The following TNFRSF11A variants were observed in gnomAD, a reference collection of about 807,000 sequenced individuals.
TNFRSF11A encodes TNF receptor superfamily member 11a, also known as tumor necrosis factor receptor superfamily member 11A.
In TNFRSF11A, 32 loss-of-function variants were observed where a neutral mutation model predicts 55.7. That is an observed-to-expected ratio of 0.57 (90% CI 0.43 to 0.77). The LOEUF (loss-of-function observed/expected upper bound fraction) is 0.77. Ranked by LOEUF, TNFRSF11A falls within the 30% of genes least tolerant of loss-of-function variation. The pLI, the probability that TNFRSF11A is intolerant of heterozygous loss-of-function variation, is 0.00. For missense variants in TNFRSF11A, 753 were observed against 809.8 expected, an observed-to-expected ratio of 0.93 and a Z score of 0.85; for synonymous variants, 311 against 331.0, an observed-to-expected ratio of 0.94 and a Z score of 0.65.
intron 7 of TNFRSF11A, among the ~76,000 whole-genome samples, chr18:62,362,017 G>A (rs897235194): frequency 2.0e-5 from 3 of 152,204 alleles, no homozygotes; most frequent in African/African-American, 4.8e-5. Context: ...ATACGCTGGC[G>A]TTCAGGAAAC....
intron 1 of TNFRSF11A, among the ~76,000 whole-genome samples, chr18:62,343,332 T>A (rs959001730): frequency 6.6e-6 from 1 of 152,260 alleles, no homozygotes; most frequent in Non-Finnish European, 1.5e-5. Context: ...TCGTTCGATG[T>A]CAGCATGAAT....
chr18:62,385,033 G>T lies in TNFRSF11A; in HGVS notation c.1850G>T (p.Ter617LeuextTer122). 6.8e-7 allele frequency: 1 copy of T among 1,475,308 alleles called. No individual in the cohort carries two copies. Among genetic ancestry groups the T allele is most frequent in the South Asian group, 1.3e-5 (1 of 75,930 alleles). The allele number at this position is 1,475,308 out of a possible 1,614,324, so 91.4% of individuals were successfully genotyped here. ...CAGGAGCAAGGCGGGGCCAAGGCTTGAGCGCCCCCCATGGCTGGGAGCCCG... is the reference window on the plus strand; with the variant it reads ...CAGGAGCAAGGCGGGGCCAAGGCTTTAGCGCCCCCCATGGCTGGGAGCCCG... ...PVQEQGGAKA[*>L] The change falls in exon 10 of 10, where the codon TGA (stop) becomes TTA (leucine). Residue 617 changes from the stop codon to leucine, a stop_lost. Coordinates refer to ENST00000586569, the MANE Select transcript of TNFRSF11A (RefSeq NM_003839.4).
intron 1 of TNFRSF11A, among the ~76,000 whole-genome samples, chr18:62,335,975 C>G (rs951542888): frequency 6.6e-6 from 1 of 152,172 alleles, no homozygotes; most frequent in Non-Finnish European, 1.5e-5. Flanking sequence ...TGGGAGGATG[C>G]AGGAAGGGAA....
At chr18:62,342,422 A>AAAAAAAAAAAAAC (rs2046327023) in intron 1 of TNFRSF11A, among the ~76,000 whole-genome samples, 1 of 150,554 alleles carries the variant, frequency 6.6e-6, no homozygotes, top group Non-Finnish European at 1.5e-5. Context: ...AAAAAAAAAA[A>AAAAAAAAAAAAAC]AAATCCTATA....
At chr18:62,375,029 C>T (rs1246109066) in intron 9 of TNFRSF11A, among the ~76,000 whole-genome samples, 7 of 151,806 alleles carry the variant, frequency 4.6e-5, no homozygotes, top group Admixed American at 1.3e-4. Context: ...CTCAGCCTCC[C>T]GAGTAGCTGG....
rs1359426566 is a variant in TNFRSF11A at position 62,325,695 on chromosome 18, A to T, written c.75+268A>T. 6.6e-6 allele frequency among the ~76,000 whole-genome samples: 1 copy of T among 152,200 alleles called. No homozygotes were observed. Among genetic ancestry groups the T allele is most frequent in the African/African-American group, 2.4e-5 (1 of 41,452 alleles). The stretch of plus-strand genomic sequence containing the variant: ...ACGGGCTCTTCCAAAAGCCCCTCTT[A>T]GCCGCAGGCTTTGATGCTGTCATTT... On this transcript the variant is annotated intron_variant, in intron 1 of 9. Coordinates refer to ENST00000586569, the MANE Select transcript of TNFRSF11A (RefSeq NM_003839.4). The surrounding 1 kb of genome is among the most constrained non-coding windows in gnomAD (Gnocchi z 4.7).
In TNFRSF11A at chr18:62,348,151, C is replaced by T; in HGVS notation, c.76-17C>T. The T allele has an allele frequency of 6.2e-7, 1 of 1,608,196 alleles. No homozygotes were observed. The highest frequency in any genetic ancestry group is 2.2e-5 in the East Asian group (1 of 44,848). On this transcript the variant is annotated splice_polypyrimidine_tract_variant and intron_variant, in intron 1 of 9. Transcript: ENST00000586569. ...GAGCTGTGTGGACTCTCTGCCTGAC[C>T]TCAGTGTTCTTTTCAGGTGGCTTTG... is the stretch of plus-strand genomic sequence containing the variant.
intron 5 of TNFRSF11A, among the ~76,000 whole-genome samples, chr18:62,358,659 C>T (rs1056531332): frequency 4.6e-5 from 7 of 152,164 alleles, no homozygotes; most frequent in Non-Finnish European, 5.9e-5. Flanking sequence ...CTACTTCTCC[C>T]GATTTCCCAA....
chr18:62,366,769 A>G lies in TNFRSF11A; in HGVS notation c.783+9A>G. 1 of 1,614,162 alleles carries G rather than the reference A, an allele frequency of 6.2e-7. No individual in the cohort carries two copies. Among genetic ancestry groups the G allele is most frequent in the Non-Finnish European group, 8.5e-7 (1 of 1,180,010 alleles). The stretch of plus-strand genomic sequence containing the variant: ...GCCTAAGTGGAGATAAGGTAGAGTG[A>G]ACAGTTGTTGGTGCCTCTGTTAAGT... On this transcript the variant is annotated intron_variant, in intron 8 of 9. Transcript: ENST00000586569.
At chr18:62,380,450 T>TC (rs1200992530) in intron 9 of TNFRSF11A, among the ~76,000 whole-genome samples, 8 of 150,566 alleles carry the variant, frequency 5.3e-5, no homozygotes, top group Admixed American at 1.3e-4. Flanking sequence ...TTTTTTTTTT[T>TC]TTTTTTGAGA....
intron 1 of TNFRSF11A, among the ~76,000 whole-genome samples, chr18:62,333,506 C>T (rs2046185819): frequency 6.6e-6 from 1 of 152,238 alleles, no homozygotes; most frequent in Non-Finnish European, 1.5e-5. Flanking sequence ...TTGAACCCCT[C>T]CTGTGTGCCA....
chr18:62,332,720 TA>T (rs2046172711), intron 1 of TNFRSF11A, among the ~76,000 whole-genome samples: 1 of 152,170 alleles, frequency 6.6e-6, no homozygotes, highest in South Asian at 2.1e-4. Flanking sequence ...AACCTCTTTG[TA>T]AACTTTTTTT....
chr18:62,351,208 G>A (rs997539448), intron 3 of TNFRSF11A, among the ~76,000 whole-genome samples: 1 of 151,864 alleles, frequency 6.6e-6, no homozygotes, highest in Non-Finnish European at 1.5e-5. Flanking sequence ...TCACCGTGTT[G>A]GCCAGGTTGG....
At position 62,358,471 on chromosome 18, in the gene TNFRSF11A, G is replaced by A. The variant is rs1022215968; in HGVS notation, c.521+130G>A. 3.1e-5 allele frequency: 27 copies of A among 862,642 alleles called. No homozygotes were observed. The African/African-American group carries it at 4.5e-4, about 14-fold the overall frequency. 53.4% of individuals were successfully genotyped at this position (862,642 alleles called of 1,614,324 possible). A position where few individuals can be genotyped will look rare whatever the true frequency, so the allele number is the denominator to read the frequency against. On this transcript the variant is annotated intron_variant, in intron 5 of 9. Transcript: ENST00000586569. ...TCCTCTTGAAGCCACGTTCAAAATG[G>A]AAAAAGTCTGTCAATTCAGCCTGGG...
At chr18:62,333,919 C>T (rs554324175) in intron 1 of TNFRSF11A, among the ~76,000 whole-genome samples, 6 of 151,704 alleles carry the variant, frequency 4.0e-5, no homozygotes, top group Admixed American at 2.0e-4. Context: ...GGCTGGAATG[C>T]GGTGGTGCCA....
Position 62,388,285 on chromosome 18 carries a change from C to T in TNFRSF11A, c.*3251C>T, listed in dbSNP as rs546272400. The T allele has an allele frequency of 1.3e-5, 2 of 152,202 alleles. No homozygotes were observed. Among genetic ancestry groups the T allele is most frequent in the Non-Finnish European group, 2.9e-5 (2 of 68,052 alleles). 9.4% of individuals were successfully genotyped at this position (152,202 alleles called of 1,614,324 possible). The stretch of plus-strand genomic sequence containing the variant: ...TTCCAGCCACCTAGCTGGGCATGCT[C>T]TCATGGTGGTGTCGAGCCTGAGAAC... On this transcript the variant is annotated 3_prime_UTR_variant, in exon 10 of 10. Transcript: ENST00000586569.
intron 9 of TNFRSF11A, among the ~76,000 whole-genome samples, chr18:62,381,755 TAAAC>T (rs1427974028): frequency 5.3e-5 from 8 of 152,376 alleles, no homozygotes; most frequent in Non-Finnish European, 7.3e-5. Context: ...TTTTATTAAA[TAAAC>T]ATGGTATGTT....
chr18:62,376,103 G>A (rs9957983), intron 9 of TNFRSF11A, among the ~76,000 whole-genome samples: 59 of 152,274 alleles, frequency 3.9e-4, no homozygotes, highest in African/African-American at 1.4e-3. Context: ...GCAGTAGCCA[G>A]GCCTGGCCTG....
At chr18:62,366,247 T>C (rs1424064126) in intron 7 of TNFRSF11A, among the ~76,000 whole-genome samples, 1 of 152,216 alleles carries the variant, frequency 6.6e-6, no homozygotes, top group Non-Finnish European at 1.5e-5. Flanking sequence ...ATACTGAGCC[T>C]GATAGAGAAA....
Sources: allele counts gnomAD v4.1 joint callset (sites outside exome capture counted in the v4.1 genomes callset), GRCh38; gene constraint gnomAD v4.1.1; non-coding constraint Gnocchi (gnomAD v3.1); transcripts MANE v1.5; gene names NCBI Gene and HGNC (gene_info 2026-07-23, HGNC 2026-07-21).